The following NEGR1 variants were observed in gnomAD, a reference collection of about 807,000 sequenced individuals.
NEGR1 encodes the protein IgLON family member 4.
NEGR1 carries 10 observed loss-of-function variants against 40.9 expected under a neutral mutation model. The observed-to-expected ratio is 0.24, with a 90% CI of 0.15 to 0.42. The LOEUF (loss-of-function observed/expected upper bound fraction) is 0.42. NEGR1 is among the 10% of genes least tolerant of loss of function. The pLI is 1.00. For synonymous variants in NEGR1, 185 were observed against 166.8 expected (o/e 1.11, Z -0.84); for missense variants, 352 against 438.9 (o/e 0.80, Z 1.77).
At chr1:71,786,550 A>C (rs1656914421) in intron 2 of NEGR1, among the ~76,000 whole-genome samples, 1 of 152,178 alleles carries the variant, frequency 6.6e-6, no homozygotes, top group Non-Finnish European at 1.5e-5. Context: ...TTTGTTGAAC[A>C]TTTACTGTGA....
intron 6 of NEGR1, among the ~76,000 whole-genome samples, chr1:71,484,377 T>C (rs1365956680): frequency 1.3e-5 from 2 of 151,676 alleles, no homozygotes; most frequent in Non-Finnish European, 3.0e-5. Flanking sequence ...AGAATCTCCA[T>C]ATGCATCTAT....
intron 1 of NEGR1, among the ~76,000 whole-genome samples, chr1:72,083,325 C>G (rs1030265719): frequency 6.6e-6 from 1 of 151,916 alleles, no homozygotes; most frequent in Non-Finnish European, 1.5e-5. Flanking sequence ...TCCTCCCTTC[C>G]TTCTCTTTCT....
intron 2 of NEGR1, among the ~76,000 whole-genome samples, chr1:71,903,912 A>G (rs1404347623): frequency 1.3e-5 from 2 of 151,928 alleles, no homozygotes; most frequent in Non-Finnish European, 2.9e-5. Context: ...CTTTAACGTT[A>G]GTGTGCATAA....
intron 6 of NEGR1, among the ~76,000 whole-genome samples, chr1:71,520,595 C>T (rs768925843): frequency 2.6e-5 from 4 of 151,986 alleles, no homozygotes; most frequent in African/African-American, 9.7e-5. Context: ...AAGCCTAGAA[C>T]CCTTTTTTGG....
intron 6 of NEGR1, among the ~76,000 whole-genome samples, chr1:71,429,433 T>C (rs1646451259): frequency 6.6e-6 from 1 of 152,302 alleles, no homozygotes; most frequent in Non-Finnish European, 1.5e-5. Flanking sequence ...AAATCCTTAT[T>C]GATAAAAGAC....
At chr1:72,076,174 C>T (rs1012913875) in intron 1 of NEGR1, among the ~76,000 whole-genome samples, 2 of 152,074 alleles carry the variant, frequency 1.3e-5, no homozygotes, top group African/African-American at 4.8e-5. Context: ...CTCCCAAATT[C>T]ATATGTTGGA....
chr1:71,664,236 T>C (rs761099028), intron 4 of NEGR1, among the ~76,000 whole-genome samples: 9 of 152,170 alleles, frequency 5.9e-5, no homozygotes, highest in Non-Finnish European at 1.3e-4. Flanking sequence ...GCCTTTACAC[T>C]GAGTGAAAGC....
chr1:71,725,590 TA>T (rs546726413), intron 3 of NEGR1, among the ~76,000 whole-genome samples: 66 of 152,032 alleles, frequency 4.3e-4, no homozygotes, highest in Non-Finnish European at 7.2e-4. Context: ...ATTTTCAAAT[TA>T]AAAAAAATAC....
chr1:72,025,834 G>A (rs928304981), intron 1 of NEGR1, among the ~76,000 whole-genome samples: 2 of 152,092 alleles, frequency 1.3e-5, no homozygotes, highest in African/African-American at 2.4e-5. Flanking sequence ...ATAATTGGCC[G>A]GGAGCGGTGG....
intron 6 of NEGR1, among the ~76,000 whole-genome samples, chr1:71,579,305 C>T (rs189291211): frequency 3.9e-4 from 60 of 152,174 alleles, no homozygotes; most frequent in African/African-American, 1.3e-3. Flanking sequence ...GTGATAATTG[C>T]TTGTGTTGCC....
At chr1:71,636,814 C>G (rs926766759) in intron 4 of NEGR1, among the ~76,000 whole-genome samples, 47 of 152,054 alleles carry the variant, frequency 3.1e-4, no homozygotes, top group African/African-American at 1.1e-3. Context: ...TAGCAACAAG[C>G]TAGATAGTGG....
chr1:71,490,151 G>A (rs1371249401), intron 6 of NEGR1, among the ~76,000 whole-genome samples: 1 of 151,826 alleles, frequency 6.6e-6, no homozygotes, highest in East Asian at 1.9e-4. Context: ...CTGAAATACA[G>A]AAGTATTATT....
chr1:71,709,910 G>C (rs539882454), intron 3 of NEGR1, among the ~76,000 whole-genome samples: 16 of 152,076 alleles, frequency 1.1e-4, no homozygotes, highest in African/African-American at 3.9e-4. Context: ...CAAAGGATAC[G>C]GTCAACCCAG....
chr1:71,678,048 G>A (rs1180729354), intron 4 of NEGR1, among the ~76,000 whole-genome samples: 1 of 76,216 alleles, frequency 1.3e-5, no homozygotes, highest in African/African-American at 4.8e-5. Flanking sequence ...TATTTTTACA[G>A]AGCACATGCA....
chr1:71,928,549 CATATGTGTATATATATACCT>C (rs1557439596), intron 2 of NEGR1, among the ~76,000 whole-genome samples: 1 of 136,198 alleles, frequency 7.3e-6, no homozygotes, highest in Non-Finnish European at 1.6e-5. Context: ...TATATATACA[CATATGTGTATATATATACCT>C]ATATATATTT....
intron 6 of NEGR1, among the ~76,000 whole-genome samples, chr1:71,522,268 T>A (rs1184669024): frequency 6.6e-6 from 1 of 151,986 alleles, no homozygotes; most frequent in Non-Finnish European, 1.5e-5. Flanking sequence ...AGGCAAGGGA[T>A]GTTGAATTAG....
chr1:72,135,578 CA>C (rs1165229185), intron 1 of NEGR1, among the ~76,000 whole-genome samples: 1 of 152,028 alleles, frequency 6.6e-6, no homozygotes. Context: ...ACAGGAAAAG[CA>C]AACCCAGACA....
At chr1:71,493,066 A>G (rs969562320) in intron 6 of NEGR1, among the ~76,000 whole-genome samples, 1 of 152,116 alleles carries the variant, frequency 6.6e-6, no homozygotes, top group African/African-American at 2.4e-5. Flanking sequence ...CCATCTAGCC[A>G]TATACTAAGT....
chr1:72,067,854 G>C (rs1569907594), intron 1 of NEGR1, among the ~76,000 whole-genome samples: 1 of 152,196 alleles, frequency 6.6e-6, no homozygotes, highest in East Asian at 1.9e-4. Context: ...CATTACTGAA[G>C]GTTATATTCA....
Sources: allele counts gnomAD v4.1 joint callset (sites outside exome capture counted in the v4.1 genomes callset), GRCh38; gene constraint gnomAD v4.1.1; transcripts MANE v1.5; gene names NCBI Gene and HGNC (gene_info 2026-07-23, HGNC 2026-07-21).